Variants in DISC1 observed in about 807,000 individuals in gnomAD.
DISC1 encodes the protein DISC1 scaffold protein, also known as disrupted in schizophrenia 1 protein.
In DISC1, 57 loss-of-function variants were observed where a neutral mutation model predicts 84.5. The observed-to-expected ratio is 0.67, with a 90% CI of 0.55 to 0.84. The LOEUF is 0.84. DISC1 is among the 40% of genes least tolerant of loss of function. DISC1 has a pLI of 0.00. For missense variants in DISC1, 1,000 were observed against 1,057.8 expected, an observed-to-expected ratio of 0.95 and a Z score of 0.76; for synonymous variants, 411 against 415.2, an observed-to-expected ratio of 0.99 and a Z score of 0.12.
intron 1 of DISC1, among the ~76,000 whole-genome samples, chr1:231,682,305 A>G (rs976928366): frequency 3.9e-5 from 6 of 152,154 alleles, no homozygotes; most frequent in African/African-American, 1.4e-4. Flanking sequence ...CCTTTGGCAC[A>G]TCTGTTTTGG....
chr1:231,737,894 G>T (rs1296659072), intron 3 of DISC1, among the ~76,000 whole-genome samples: 1 of 152,140 alleles, frequency 6.6e-6, no homozygotes, highest in Admixed American at 6.5e-5. Flanking sequence ...GGCTTGCTCT[G>T]TTGCCCCGGC....
At chr1:231,747,050 C>T (rs1408338309) in intron 3 of DISC1, among the ~76,000 whole-genome samples, 1 of 152,198 alleles carries the variant, frequency 6.6e-6, no homozygotes, top group Admixed American at 6.5e-5. Context: ...CCACCTCAGC[C>T]TCCTGAGTAG....
intron 3 of DISC1, among the ~76,000 whole-genome samples, chr1:231,732,955 TAGTGGTGATAGG>T (rs2071735539): frequency 1.3e-5 from 2 of 152,164 alleles, no homozygotes; most frequent in Non-Finnish European, 2.9e-5. Context: ...GAAGCAGTGG[TAGTGGTGATAGG>T]AGTGGTGGTG....
intron 9 of DISC1, among the ~76,000 whole-genome samples, chr1:231,893,174 A>C (rs2087390583): frequency 6.6e-6 from 1 of 152,168 alleles, no homozygotes; most frequent in Admixed American, 6.5e-5. Flanking sequence ...AAAAACAAAA[A>C]CAAAAAACAA....
chr1:232,013,689 G>A (rs1296798600), intron 11 of DISC1, among the ~76,000 whole-genome samples: 1 of 152,172 alleles, frequency 6.6e-6, no homozygotes, highest in Non-Finnish European at 1.5e-5. Flanking sequence ...GTTATAGACT[G>A]GGGGGTGAGC....
chr1:231,677,955 G>C (rs1475197534), intron 1 of DISC1, among the ~76,000 whole-genome samples: 1 of 151,802 alleles, frequency 6.6e-6, no homozygotes, highest in Non-Finnish European at 1.5e-5. Context: ...CCAGCCTGGA[G>C]TGCAAGACTG....
chr1:231,721,207 T>C (rs1558419837), intron 3 of DISC1: 1 of 842,632 alleles, frequency 1.2e-6, no homozygotes, highest in Non-Finnish European at 1.6e-6. Context: ...TGAAAGGAGC[T>C]ATGTCAACAT....
intron 9 of DISC1, among the ~76,000 whole-genome samples, chr1:231,877,043 T>C (rs1213715426): frequency 6.6e-6 from 1 of 152,160 alleles, no homozygotes; most frequent in Non-Finnish European, 1.5e-5. Context: ...GAGAGCAGAC[T>C]GGGGTTACAT....
chr1:232,028,174 C>A (rs199594751), intron 12 of DISC1, among the ~76,000 whole-genome samples: 1 of 151,986 alleles, frequency 6.6e-6, no homozygotes, highest in African/African-American at 2.4e-5. Flanking sequence ...TCTTTGAGCA[C>A]GTGTAAGGGG....
intron 9 of DISC1, among the ~76,000 whole-genome samples, chr1:231,857,239 G>T (rs2084335687): frequency 6.6e-6 from 1 of 152,178 alleles, no homozygotes; most frequent in Non-Finnish European, 1.5e-5. Flanking sequence ...CAGAACTACA[G>T]GCTCCAATGT....
At chr1:231,725,319 A>G (rs1315966888) in intron 3 of DISC1, among the ~76,000 whole-genome samples, 1 of 152,234 alleles carries the variant, frequency 6.6e-6, no homozygotes, top group East Asian at 1.9e-4. Context: ...TGGTCCAGAC[A>G]GGGTCAAGTG....
In DISC1 at chr1:232,031,285, AAAAG is replaced by A. The variant is rs1670013525; in HGVS notation, c.2425+4735_2425+4738del. Among the ~76,000 whole-genome samples the A allele has an allele frequency of 6.9e-6, 1 of 144,298 alleles. No individual in the cohort carries two copies. Among genetic ancestry groups the A allele is most frequent in the South Asian group, 2.2e-4 (1 of 4,616 alleles). 94.7% of individuals were successfully genotyped at this position (144,298 alleles called of 152,430 possible). On this transcript the variant is annotated intron_variant, in intron 12 of 12. Transcript: ENST00000439617. This position sits in a 1 kb window ranked among gnomAD's most constrained non-coding sequence, Gnocchi z 4.6. ...GAAAGATAAAGAAAGAAAAAGAAAG[AAAAG>A]AGGAAGGAAGGAAGGAGAGAGGGAA...
intron 1 of DISC1, among the ~76,000 whole-genome samples, chr1:231,665,906 T>C (rs1016601882): frequency 4.6e-5 from 7 of 152,200 alleles, no homozygotes; most frequent in Admixed American, 3.9e-4. Context: ...ACCATCCAGA[T>C]TGTTTTCAGA....
chr1:231,696,578 T>A (rs1301910790), intron 2 of DISC1, among the ~76,000 whole-genome samples: 1 of 152,222 alleles, frequency 6.6e-6, no homozygotes, highest in Admixed American at 6.5e-5. Flanking sequence ...TCAATTACAC[T>A]CATGTACTGC....
chr1:231,924,758 G>A (rs1243476215), intron 9 of DISC1, among the ~76,000 whole-genome samples: 4 of 151,156 alleles, frequency 2.6e-5, no homozygotes, highest in African/African-American at 4.9e-5. Flanking sequence ...CCGGGTTCAC[G>A]CCATTCTCCT....
intron 9 of DISC1, among the ~76,000 whole-genome samples, chr1:231,848,176 G>A (rs950261523): frequency 2.6e-5 from 4 of 152,138 alleles, no homozygotes; most frequent in South Asian, 2.1e-4. Context: ...TTGGAGACGC[G>A]TATCAATGCC....
Position 231,866,641 on chromosome 1 carries a change from G to A in DISC1, c.1981+48124G>A, listed in dbSNP as rs949892219. 84 of 1,574,108 alleles carry A rather than the reference G, an allele frequency of 5.3e-5. 1 individual carries two copies. Among genetic ancestry groups the A allele is most frequent in the Non-Finnish European group, 6.4e-5 (74 of 1,158,570 alleles). On this transcript the variant is annotated intron_variant, in intron 9 of 12. Transcript: ENST00000439617. The stretch of plus-strand genomic sequence containing the variant: ...AGAGAGTCTGACTTCAGCCCCCAGC[G>A]CTCAACTACTATTAATTGAAAGGGC...
chr1:231,817,234 A>G (rs747687186), intron 8 of DISC1, among the ~76,000 whole-genome samples: 4 of 152,074 alleles, frequency 2.6e-5, no homozygotes, highest in Non-Finnish European at 5.9e-5. Context: ...ACAGGTGCTT[A>G]CCACTGTGCC....
At position 231,698,692 on chromosome 1, in the gene DISC1, T is replaced by C. The variant is rs928344039; in HGVS notation, c.1048-3263T>C. Among the ~76,000 whole-genome samples the C allele has an allele frequency of 1.3e-5, 2 of 152,222 alleles. No individual in the cohort carries two copies. Among genetic ancestry groups the C allele is most frequent in the African/African-American group, 4.8e-5 (2 of 41,456 alleles). On this transcript the variant is annotated intron_variant, in intron 2 of 12. Coordinates refer to ENST00000439617, the MANE Select transcript of DISC1 (RefSeq NM_018662.3). This position sits in a 1 kb window ranked among gnomAD's most constrained non-coding sequence, Gnocchi z 4.9. The stretch of plus-strand genomic sequence containing the variant: ...GAATTTTTTTCCTGACCTTGTTTCC[T>C]GCATTTCTTCAGCTTCTGTTCTAAT...
Sources: allele counts gnomAD v4.1 joint callset (sites outside exome capture counted in the v4.1 genomes callset), GRCh38; gene constraint gnomAD v4.1.1; non-coding constraint Gnocchi (gnomAD v3.1); transcripts MANE v1.5; gene names NCBI Gene and HGNC (gene_info 2026-07-23, HGNC 2026-07-21).